Variants in TMEM114 observed in about 807,000 individuals in gnomAD.
The protein encoded by TMEM114 is transmembrane protein 114.
Under a neutral mutation model 6.2 loss-of-function variants are expected in TMEM114, and 6 were observed. The ratio of observed to expected loss-of-function variants is 0.97; its 90% CI spans 0.53 to 1.91. The LOEUF (loss-of-function observed/expected upper bound fraction) is 1.91, where lower values mean the gene tolerates loss of function less well. TMEM114 is among the 40% of genes most tolerant of loss of function. The probability of loss-of-function intolerance (pLI) is 0.01; values close to 1 mark genes in which losing one functional copy is unlikely to be tolerated. For synonymous variants in TMEM114, 104 were observed against 73.0 expected, an observed-to-expected ratio of 1.42 and a Z score of -2.16; for missense variants, 218 against 158.3, an observed-to-expected ratio of 1.38 and a Z score of -2.02.
At chr16:8,564,053 A>G (rs1354874113) in intron 2 of TMEM114, among the ~76,000 whole-genome samples, 14 of 147,990 alleles carry the variant, frequency 9.5e-5, no homozygotes, top group Admixed American at 9.3e-4. Flanking sequence ...GAGTGAGTGA[A>G]TGAGTAAATG....
chr16:8,541,595 T>C (rs1567194247), intron 2 of TMEM114, among the ~76,000 whole-genome samples: 1 of 152,234 alleles, frequency 6.6e-6, no homozygotes, highest in Non-Finnish European at 1.5e-5. Flanking sequence ...ACATCTTCAA[T>C]ATATTTGACA....
At chr16:8,561,642 C>A (rs1567201618) in intron 2 of TMEM114, among the ~76,000 whole-genome samples, 1 of 152,082 alleles carries the variant, frequency 6.6e-6, no homozygotes, top group Non-Finnish European at 1.5e-5. Context: ...ACTATATGAA[C>A]AAGTGAGTGA....
the TMEM114 span, among the ~76,000 whole-genome samples, chr16:8,527,889 A>C: frequency 6.6e-6 from 1 of 152,068 alleles, no homozygotes; most frequent in Non-Finnish European, 1.5e-5. Flanking sequence ...CTCTAGTTTC[A>C]TGATAGTTTC....
intron 2 of TMEM114, among the ~76,000 whole-genome samples, chr16:8,539,610 C>T (rs372676791): frequency 5.3e-5 from 8 of 152,216 alleles, no homozygotes; most frequent in South Asian, 2.1e-4. Context: ...TCCTGGGATT[C>T]GGGGTTGTAT....
intron 2 of TMEM114, among the ~76,000 whole-genome samples, chr16:8,563,015 A>G (rs1405611750): frequency 1.4e-5 from 2 of 143,946 alleles, no homozygotes; most frequent in Non-Finnish European, 3.1e-5. Flanking sequence ...TGAATGAATG[A>G]GTGAGTGAGG....
downstream of TMEM114, among the ~76,000 whole-genome samples, chr16:8,568,424 G>A (rs943393368): frequency 6.6e-6 from 1 of 152,040 alleles, no homozygotes; most frequent in Non-Finnish European, 1.5e-5. Context: ...GTGTCATGTC[G>A]TTGTGGTGGT....
At chr16:8,548,475 T>A (rs1900741719) in intron 2 of TMEM114, among the ~76,000 whole-genome samples, 1 of 152,108 alleles carries the variant, frequency 6.6e-6, no homozygotes, top group South Asian at 2.1e-4. Context: ...TCTTTTAAAC[T>A]TTTTTTCCTA....
chr16:8,552,200 C>G (rs924325042), intron 2 of TMEM114, among the ~76,000 whole-genome samples: 13 of 150,346 alleles, frequency 8.6e-5, no homozygotes, highest in African/African-American at 2.5e-4. Flanking sequence ...CACAGCAAGA[C>G]CCTATCTCTG....
chr16:8,557,152 C>A (rs916211391), intron 2 of TMEM114, among the ~76,000 whole-genome samples: 20 of 152,178 alleles, frequency 1.3e-4, no homozygotes, highest in African/African-American at 4.6e-4. Context: ...TGATACTTCT[C>A]CCAGGGAGGT....
intron 2 of TMEM114, among the ~76,000 whole-genome samples, chr16:8,543,929 T>C (rs1900587780): frequency 6.6e-6 from 1 of 152,178 alleles, no homozygotes; most frequent in Admixed American, 6.5e-5. Context: ...TAAAAAACCA[T>C]GCATCTCTCT....
intron 2 of TMEM114, among the ~76,000 whole-genome samples, chr16:8,587,320 A>G (rs1171310149): frequency 7.2e-5 from 11 of 152,344 alleles, no homozygotes; most frequent in African/African-American, 2.6e-4. Context: ...ATGGGCTACT[A>G]TGTGCCAGGT....
chr16:8,555,036 A>C (rs73505799), intron 2 of TMEM114, among the ~76,000 whole-genome samples: 4 of 152,110 alleles, frequency 2.6e-5, no homozygotes, highest in Non-Finnish European at 4.4e-5. Context: ...GGGCCTTCCC[A>C]CTCATGGGGT....
intron 2 of TMEM114, among the ~76,000 whole-genome samples, chr16:8,584,390 C>G (rs566773482): frequency 6.6e-6 from 1 of 152,286 alleles, no homozygotes; most frequent in African/African-American, 2.4e-5. Flanking sequence ...ATTCCAGTCC[C>G]TAGCCCAAGA....
chr16:8,590,389 G>A lies in TMEM114; in HGVS notation c.-551C>T, dbSNP rs1902444497. ...GATTTCCGCCCCAGCCCTTTTTCTT[G>A]GCCCCACACTGCCAGATCCCCACTC... On this transcript the variant is annotated 5_prime_UTR_variant, in exon 1 of 4. Coordinates refer to ENST00000620492, the MANE Select transcript of TMEM114 (RefSeq NM_001146336.2). 6.6e-6 allele frequency among the ~76,000 whole-genome samples: 1 copy of A among 152,098 alleles called. No homozygotes were observed. Among genetic ancestry groups the A allele is most frequent in the East Asian group, 1.9e-4 (1 of 5,172 alleles).
intron 2 of TMEM114, among the ~76,000 whole-genome samples, chr16:8,548,054 G>T (rs1900727104): frequency 6.6e-6 from 1 of 152,184 alleles, no homozygotes. Context: ...TGAGGAAAGG[G>T]AAAGTGCAAG....
chr16:8,555,316 G>A (rs376057726), intron 2 of TMEM114, among the ~76,000 whole-genome samples: 4 of 152,354 alleles, frequency 2.6e-5, no homozygotes, highest in African/African-American at 9.6e-5. Flanking sequence ...TTGCAGCTCC[G>A]TGACTGCTCC....
intron 2 of TMEM114, among the ~76,000 whole-genome samples, chr16:8,539,452 G>C (rs1476522308): frequency 6.6e-6 from 1 of 152,190 alleles, no homozygotes; most frequent in East Asian, 1.9e-4. Flanking sequence ...ATCAGACCCA[G>C]AGGAGGGCTC....
intron 2 of TMEM114, among the ~76,000 whole-genome samples, chr16:8,551,974 C>G (rs1265411424): frequency 6.6e-6 from 1 of 152,190 alleles, no homozygotes; most frequent in African/African-American, 2.4e-5. Context: ...GAAGAAAAGC[C>G]AGTCTCCAAA....
chr16:8,541,468 G>C (rs1014889230), intron 2 of TMEM114, among the ~76,000 whole-genome samples: 1 of 152,156 alleles, frequency 6.6e-6, no homozygotes, highest in Non-Finnish European at 1.5e-5. Context: ...TAAGAGATCA[G>C]AGACAATTCG....
Sources: allele counts gnomAD v4.1 joint callset (sites outside exome capture counted in the v4.1 genomes callset), GRCh38; gene constraint gnomAD v4.1.1; transcripts MANE v1.5; gene names NCBI Gene and HGNC (gene_info 2026-07-23, HGNC 2026-07-21).